The following LRRC36 variants were observed in gnomAD, a reference collection of about 807,000 sequenced individuals.
LRRC36 encodes leucine rich repeat containing 36.
Under a neutral mutation model 81.1 loss-of-function variants are expected in LRRC36, and 62 were observed. The observed-to-expected ratio is 0.76, with a 90% CI of 0.62 to 0.94. The LOEUF (loss-of-function observed/expected upper bound fraction) is 0.94, where lower values mean the gene tolerates loss of function less well. LRRC36 is among the 40% of genes least tolerant of loss of function. The pLI, the probability that LRRC36 is intolerant of heterozygous loss-of-function variation, is 0.00. For synonymous variants in LRRC36, 334 were observed against 348.6 expected (o/e 0.96, Z 0.47); for missense variants, 761 against 881.7 (o/e 0.86, Z 1.73).
At position 67,371,023 on chromosome 16, in the gene LRRC36, T is replaced by C. The variant is rs2039612954; in HGVS notation, c.1275T>C (p.Asp425=). ...NVEQQLSTSL[D]DLTPAHGSVP... ...AGCAACAATTATCTACCAGCCTGGA[T>C]GATTTAACACCAGCACATGGTTCTG... The change falls in exon 9 of 14, where the codon GAT becomes GAC. Residue 425 remains aspartate (D), a synonymous_variant. Transcript: ENST00000329956. The C allele has an allele frequency of 1.2e-5, 19 of 1,614,080 alleles. No homozygotes were observed. The highest frequency in any genetic ancestry group is 1.6e-5 in the Non-Finnish European group (19 of 1,180,044).
intron 1 of LRRC36, among the ~76,000 whole-genome samples, chr16:67,331,900 A>G (rs2037509476): frequency 6.6e-6 from 1 of 152,014 alleles, no homozygotes; most frequent in Admixed American, 6.6e-5. Context: ...AGGCAGGAGA[A>G]TCGCTTGAAC....
Position 67,375,321 on chromosome 16 carries a change from C to A in LRRC36, c.1569C>A (p.Pro523=). Residue 523 remains proline, a synonymous_variant, in exon 10 of 14, where the codon CCC becomes CCA. Transcript: ENST00000329956. ...NHSPPISART[P]HVATVLRQLL... ...GTCCCCCCATCTCTGCCAGAACCCC[C>A]CATGTGGCCACTGTCCTCAGACAGC... The A allele has an allele frequency of 6.2e-7, 1 of 1,612,786 alleles. No individual in the cohort carries two copies. The highest frequency in any genetic ancestry group is 8.5e-7 in the Non-Finnish European group (1 of 1,179,698).
intron 11 of LRRC36, 64 bp downstream of exon 11, chr16:67,376,936 A>G (rs1234891618): frequency 3.6e-5 from 55 of 1,517,868 alleles, no homozygotes; most frequent in Non-Finnish European, 4.6e-5. Context: ...TCTCTGCCTT[A>G]ATGATCAGCA....
intron 2 of LRRC36, among the ~76,000 whole-genome samples, chr16:67,342,478 C>T (rs1321640071): frequency 2.0e-5 from 3 of 151,996 alleles, no homozygotes; most frequent in Non-Finnish European, 4.4e-5. Flanking sequence ...GATGGTGGTA[C>T]ATGGAGCATA....
At chr16:67,363,857 C>A in intron 6 of LRRC36, 143 bp downstream of exon 6, 1 of 776,160 alleles carries the variant, frequency 1.3e-6, no homozygotes, top group Non-Finnish European at 2.0e-6. Flanking sequence ...AAGGGCAGGA[C>A]AGAATGCAGA....
rs558910990 is a variant in LRRC36 at position 67,371,066 on chromosome 16, C to G, written c.1318C>G (p.Leu440Val). 39 of 1,614,174 alleles carry G rather than the reference C, an allele frequency of 2.4e-5. No individual in the cohort carries two copies. The South Asian group carries it at 4.3e-4, about 18-fold the overall frequency. ...AHGSVPNNAV[L>V]GNRTTPLRTL... ...TGGTTCTGTCCCAAACAACGCTGTC[C>G]TGGGAAACAGGACAACTCCTCTGCG... Residue 440 changes from leucine (L) to valine (V), a missense_variant, in exon 9 of 14, where the codon CTG becomes GTG. This residue lies in a region of LRRC36 where 359 missense variants were observed against 388.4 expected (regional missense o/e 0.92). Coordinates refer to ENST00000329956, the MANE Select transcript of LRRC36 (RefSeq NM_018296.6).
rs2039426022 is a variant in LRRC36 at position 67,366,999 on chromosome 16, T to C, written c.755-18T>C. 6.4e-7 allele frequency: 1 copy of C among 1,565,430 alleles called. No individual in the cohort carries two copies. The highest frequency in any genetic ancestry group is 1.2e-5 in the South Asian group (1 of 82,464). ...GAATTCTTATCATGTTTTGTTTTTTTGCCTTGGTGGTGTTTAGAGTTCAGA... is the reference window on the plus strand; with the variant it reads ...GAATTCTTATCATGTTTTGTTTTTTCGCCTTGGTGGTGTTTAGAGTTCAGA... On this transcript the variant is annotated intron_variant, in intron 7 of 13. Transcript: ENST00000329956.
At chr16:67,374,548 A>T (rs1250518971) in intron 9 of LRRC36, among the ~76,000 whole-genome samples, 1 of 151,770 alleles carries the variant, frequency 6.6e-6, no homozygotes, top group Non-Finnish European at 1.5e-5. Flanking sequence ...GCTGCCCACC[A>T]TCATGCCTGG....
chr16:67,376,050 C>T (rs2039878057), intron 10 of LRRC36, among the ~76,000 whole-genome samples: 1 of 152,136 alleles, frequency 6.6e-6, no homozygotes, highest in South Asian at 2.1e-4. Context: ...TGACTAACGC[C>T]TGTAATCCCA....
rs140957876 is a variant in LRRC36 at position 67,352,642 on chromosome 16, C to CTTAT, written c.577+2399_577+2402dup. ...GCCTTATTTATAAATAAATAAATGTCTTATTTATTTATTTATTTATTTATT... is the reference window on the plus strand; with the variant it reads ...GCCTTATTTATAAATAAATAAATGTCTTATTTATTTATTTATTTATTTATTTATT... On this transcript the variant is annotated intron_variant, in intron 5 of 13. Coordinates refer to ENST00000329956, the MANE Select transcript of LRRC36 (RefSeq NM_018296.6). 6.2e-3 allele frequency among the ~76,000 whole-genome samples: 880 copies of CTTAT among 142,852 alleles called. 4 individuals are homozygous for CTTAT. The highest frequency in any genetic ancestry group is 8.2e-3 in the East Asian group (40 of 4,906). The allele number at this position is 142,852 out of a possible 152,430, so 93.7% of individuals were successfully genotyped here. A position where few individuals can be genotyped will look rare whatever the true frequency, so the allele number is the denominator to read the frequency against.
intron 6 of LRRC36, 42 bp from the exon 7 acceptor site, chr16:67,365,262 C>T (rs755893691): frequency 1.7e-4 from 230 of 1,368,790 alleles, no homozygotes; most frequent in Non-Finnish European, 2.3e-4. Flanking sequence ...CATTTGAACG[C>T]GCATGGACTT....
intron 1 of LRRC36, among the ~76,000 whole-genome samples, chr16:67,333,319 A>G (rs538642744): frequency 4.8e-4 from 73 of 152,180 alleles, no homozygotes; most frequent in African/African-American, 1.7e-3. Flanking sequence ...TTTAGTAGAG[A>G]CAGGGTTTCA....
intron 1 of LRRC36, among the ~76,000 whole-genome samples, chr16:67,331,269 A>G (rs943123841): frequency 2.0e-5 from 3 of 152,332 alleles, no homozygotes; most frequent in Admixed American, 6.5e-5. Context: ...AAAGCTGGGC[A>G]TGGCGGCTTA....
chr16:67,372,708 T>G (rs1303212802), intron 9 of LRRC36, among the ~76,000 whole-genome samples: 2 of 152,254 alleles, frequency 1.3e-5, no homozygotes, highest in Admixed American at 1.3e-4. Context: ...TAGTTACTTA[T>G]TTTTCAGTTG....
intron 8 of LRRC36, among the ~76,000 whole-genome samples, chr16:67,370,076 T>C (rs112561956): frequency 5.9e-5 from 9 of 152,134 alleles, no homozygotes; most frequent in Non-Finnish European, 1.2e-4. Context: ...GAAAATGGAA[T>C]CCAGTCCACC....
intron 1 of LRRC36, among the ~76,000 whole-genome samples, chr16:67,340,481 C>T (rs751321370): frequency 2.0e-5 from 3 of 151,862 alleles, no homozygotes; most frequent in Non-Finnish European, 4.4e-5. Flanking sequence ...TTGGCAAAAC[C>T]CCGTTTCTAC....
At chr16:67,367,552 T>A in intron 8 of LRRC36, 95 bp downstream of exon 8, 1 of 1,091,372 alleles carries the variant, frequency 9.2e-7, no homozygotes, top group Non-Finnish European at 1.3e-6. Context: ...TGAAATTGTA[T>A]TAGCATTTCT....
At position 67,326,876 on chromosome 16, in the gene LRRC36, G is replaced by T; in HGVS notation, c.14G>T (p.Trp5Leu). ...CGGCGGGCGGGGATGGCGGAGCAATGGGAGCTGGACGAGGAAGGCATTCGC... is the reference window on the plus strand; with the variant it reads ...CGGCGGGCGGGGATGGCGGAGCAATTGGAGCTGGACGAGGAAGGCATTCGC... MAEQ[W>L]ELDEEGIRRL... is the part of the protein sequence containing the mutation. The change falls in exon 1 of 14, where the codon TGG becomes TTG. Residue 5 changes from tryptophan (W) to leucine (L), a missense_variant. Trp to Leu is a moderately conservative substitution (Grantham distance 61, BLOSUM62 -2). Coordinates refer to ENST00000329956, the MANE Select transcript of LRRC36 (RefSeq NM_018296.6). 1 of 1,449,632 alleles carries T rather than the reference G, an allele frequency of 6.9e-7. No individual in the cohort carries two copies. Among genetic ancestry groups the T allele is most frequent in the Non-Finnish European group, 9.0e-7 (1 of 1,112,028 alleles). 89.8% of individuals were successfully genotyped at this position (1,449,632 alleles called of 1,614,324 possible).
chr16:67,367,587 TGGTTCTTGGA>T, intron 8 of LRRC36, 130 bp downstream of exon 8: 1 of 798,974 alleles, frequency 1.3e-6, no homozygotes, highest in Non-Finnish European at 2.0e-6. Context: ...GGGTCACCAG[TGGTTCTTGGA>T]ACCTCGAGAA....
Sources: allele counts gnomAD v4.1 joint callset (sites outside exome capture counted in the v4.1 genomes callset), GRCh38; gene constraint gnomAD v4.1.1; regional missense constraint gnomAD v4.1.1; transcripts MANE v1.5; gene names NCBI Gene and HGNC (gene_info 2026-07-23, HGNC 2026-07-21).